Variants in RBM20 observed in about 807,000 individuals in gnomAD.
RBM20 encodes the protein RNA-binding protein 20.
In RBM20, 51 loss-of-function variants were observed where a neutral mutation model predicts 110.1. The observed-to-expected ratio is 0.46, with a 90% CI of 0.37 to 0.59. The LOEUF is 0.59. Ranked by LOEUF, RBM20 falls within the 20% of genes least tolerant of loss-of-function variation. RBM20 has a pLI of 0.00. For synonymous variants in RBM20, 589 were observed against 618.2 expected, an observed-to-expected ratio of 0.95 and a Z score of 0.70; for missense variants, 1,512 against 1,574.9, an observed-to-expected ratio of 0.96 and a Z score of 0.68.
intron 1 of RBM20, among the ~76,000 whole-genome samples, chr10:110,743,948 G>T (rs1473056643): frequency 1.3e-5 from 2 of 152,114 alleles, no homozygotes; most frequent in Non-Finnish European, 2.9e-5. Context: ...TTCCTTGTTG[G>T]AAGAGATCAG....
chr10:110,764,929 T>A (rs1301455768), intron 1 of RBM20, among the ~76,000 whole-genome samples: 1 of 152,118 alleles, frequency 6.6e-6, no homozygotes, highest in Non-Finnish European at 1.5e-5. Context: ...CCTCTAAACA[T>A]GTTCTCGGCG....
chr10:110,703,741 C>T (rs1862793778), intron 1 of RBM20, among the ~76,000 whole-genome samples: 1 of 152,238 alleles, frequency 6.6e-6, no homozygotes, highest in Admixed American at 6.5e-5. Context: ...CATCCACCTC[C>T]CGCCCTTTGA....
chr10:110,780,412 A>G (rs554681854), intron 1 of RBM20, among the ~76,000 whole-genome samples: 15 of 152,328 alleles, frequency 9.8e-5, no homozygotes, highest in South Asian at 6.2e-4. Context: ...TATGGCTATA[A>G]TAAATGCATT....
At chr10:110,753,267 A>G (rs1843881941) in intron 1 of RBM20, among the ~76,000 whole-genome samples, 1 of 151,844 alleles carries the variant, frequency 6.6e-6, no homozygotes, top group Non-Finnish European at 1.5e-5. Flanking sequence ...TCTAAAGTTT[A>G]TCAAAGCTTT....
chr10:110,724,051 C>A (rs1257058693), intron 1 of RBM20, among the ~76,000 whole-genome samples: 3 of 152,170 alleles, frequency 2.0e-5, no homozygotes, highest in African/African-American at 7.2e-5. Context: ...GGTTACATTA[C>A]TAGCCAAAAG....
In RBM20 at chr10:110,823,409, C is replaced by T. The variant is rs1378610920; in HGVS notation, c.3317-71C>T. 6 of 1,481,822 alleles carry T rather than the reference C, an allele frequency of 4.0e-6. No individual in the cohort carries two copies. In the African/African-American group the frequency reaches 7.4e-5, roughly 18 times the overall value. The allele number at this position is 1,481,822 out of a possible 1,614,324, so 91.8% of individuals were successfully genotyped here. A position where few individuals can be genotyped will look rare whatever the true frequency, so the allele number is the denominator to read the frequency against. ...CTATGCAGGCATAGAATTTCAGGGA[C>T]TCTTTGAGGCATGTTGTATTTCTTT... is the stretch of plus-strand genomic sequence containing the variant. On this transcript the variant is annotated intron_variant, in intron 11 of 13. Transcript: ENST00000369519.
chr10:110,822,592 G>A (rs1023291334), intron 11 of RBM20: 2 of 412,348 alleles, frequency 4.9e-6, no homozygotes, highest in Middle Eastern at 3.8e-4. Flanking sequence ...CAGGGGGTTT[G>A]GGGGGAGGGA....
chr10:110,707,891 A>G (rs1035665864), intron 1 of RBM20, among the ~76,000 whole-genome samples: 2 of 152,240 alleles, frequency 1.3e-5, no homozygotes, highest in Non-Finnish European at 2.9e-5. Context: ...AAATAACCAG[A>G]AGAGTGGAAT....
intron 1 of RBM20, among the ~76,000 whole-genome samples, chr10:110,723,679 T>C (rs1316824214): frequency 6.6e-6 from 1 of 152,250 alleles, no homozygotes; most frequent in Non-Finnish European, 1.5e-5. Context: ...TGACTAACAA[T>C]GTTGAACATC....
intron 1 of RBM20, among the ~76,000 whole-genome samples, chr10:110,706,086 A>G (rs1022715384): frequency 6.6e-6 from 1 of 152,078 alleles, no homozygotes; most frequent in African/African-American, 2.4e-5. Flanking sequence ...ATCTCAAAAA[A>G]AAAAAGAAAA....
intron 1 of RBM20, chr10:110,756,453 G>A (rs145618237): frequency 6.6e-6 from 1 of 152,406 alleles, no homozygotes; most frequent in East Asian, 1.9e-4. Context: ...AGCCACTGAG[G>A]ATGGCTGTGA....
chr10:110,761,581 C>A (rs35864250), intron 1 of RBM20, among the ~76,000 whole-genome samples: 30,448 of 152,190 alleles, frequency 0.2, 3,631 homozygotes, highest in Middle Eastern at 0.28. Context: ...TAGCCCGAGT[C>A]TCCCACCTCC....
At chr10:110,835,525 C>T (rs1004385046) in intron 13 of RBM20, 8 of 156,550 alleles carry the variant, frequency 5.1e-5, no homozygotes, top group Middle Eastern at 2.9e-3. Flanking sequence ...TAATTAGAGA[C>T]GGGGTTTCTC....
At chr10:110,802,587 A>G (rs59523266) in intron 7 of RBM20, among the ~76,000 whole-genome samples, 25,113 of 152,144 alleles carry the variant, frequency 0.17, 4,339 homozygotes, top group East Asian at 0.46. Context: ...GATTAACGGC[A>G]GTAATTGGCT....
At chr10:110,693,826 G>A (rs1862623778) in intron 1 of RBM20, among the ~76,000 whole-genome samples, 1 of 152,166 alleles carries the variant, frequency 6.6e-6, no homozygotes, top group African/African-American at 2.4e-5. Context: ...CAGAGACATA[G>A]TTTAGATTAC....
chr10:110,830,402 C>T (rs187270792), intron 12 of RBM20, among the ~76,000 whole-genome samples: 7 of 152,030 alleles, frequency 4.6e-5, no homozygotes, highest in East Asian at 3.9e-4. Context: ...ATTGATGGTT[C>T]GGATGTAAAG....
intron 1 of RBM20, among the ~76,000 whole-genome samples, chr10:110,715,357 A>G (rs570973704): frequency 7.9e-5 from 12 of 152,222 alleles, no homozygotes; most frequent in Non-Finnish European, 1.3e-4. Context: ...GTGGAAGTGA[A>G]TGTTTCCATC....
intron 7 of RBM20, among the ~76,000 whole-genome samples, chr10:110,806,828 A>G (rs1228988072): frequency 6.6e-6 from 1 of 152,192 alleles, no homozygotes; most frequent in South Asian, 2.1e-4. Flanking sequence ...GGGTGATTAC[A>G]GCTTTGTTTC....
At chr10:110,784,567 A>C (rs1483379460) in intron 4 of RBM20, 135 bp downstream of exon 4, 3 of 754,216 alleles carry the variant, frequency 4.0e-6, no homozygotes, top group African/African-American at 1.7e-5. Context: ...AGATCCCAAG[A>C]CACTAAAATG....
Sources: allele counts gnomAD v4.1 joint callset (sites outside exome capture counted in the v4.1 genomes callset), GRCh38; gene constraint gnomAD v4.1.1; transcripts MANE v1.5; gene names NCBI Gene and HGNC (gene_info 2026-07-23, HGNC 2026-07-21).